The following RAB28 variants were observed in gnomAD, a reference collection of about 807,000 sequenced individuals.
RAB28 encodes the protein RAB28, member RAS oncogene family, also known as ras-related protein Rab-28.
A neutral mutation model predicts 31.7 loss-of-function variants in RAB28; 24 were observed. The observed-to-expected ratio is 0.76, with a 90% CI of 0.55 to 1.06. The LOEUF is 1.06. Among genes scored for constraint, RAB28 ranks in the 50% least tolerant of loss-of-function variants. The pLI, the probability that RAB28 is intolerant of heterozygous loss-of-function variation, is 0.00. For missense variants in RAB28, 254 were observed against 258.5 expected (o/e 0.98, Z 0.12); for synonymous variants, 100 against 90.4 (o/e 1.11, Z -0.60).
At chr4:13,419,021 A>G (rs1360533281) in intron 4 of RAB28, among the ~76,000 whole-genome samples, 1 of 152,222 alleles carries the variant, frequency 6.6e-6, no homozygotes. Flanking sequence ...ACGTGCAGAG[A>G]CACACATAGG....
intron 6 of RAB28, chr4:13,370,849 T>C (rs928675991): frequency 8.4e-6 from 8 of 957,892 alleles, no homozygotes; most frequent in Non-Finnish European, 9.9e-6. Flanking sequence ...TTTTACTAAA[T>C]AAGAAACTAT....
Position 13,387,836 on chromosome 4 carries a change from G to A in RAB28, c.392-6242C>T, listed in dbSNP as rs144816380. Among the ~76,000 whole-genome samples, 585 of 152,128 alleles carry A rather than the reference G, an allele frequency of 3.8e-3. 5 individuals carry two copies. Among genetic ancestry groups the A allele is most frequent in the African/African-American group, 0.013 (548 of 41,562 alleles). ...AAATATAGCACCACCATTTTTGAAT[G>A]CCAGACAAAGTATATGTGCTTCTAA... On this transcript the variant is annotated intron_variant, in intron 4 of 6. Transcript: ENST00000330852.
chr4:13,434,187 AG>A (rs1487835683), intron 4 of RAB28, among the ~76,000 whole-genome samples: 1 of 152,130 alleles, frequency 6.6e-6, no homozygotes, highest in African/African-American at 2.4e-5. Flanking sequence ...AGTGGGGTAA[AG>A]GCTGAAAAAC....
intron 4 of RAB28, among the ~76,000 whole-genome samples, chr4:13,400,238 A>C (rs1257788733): frequency 6.6e-6 from 1 of 152,156 alleles, no homozygotes; most frequent in Non-Finnish European, 1.5e-5. Context: ...GTCTTTATAA[A>C]AGCTGTTGCT....
In RAB28 at chr4:13,409,761, C is replaced by A. The variant is rs148117488; in HGVS notation, c.392-28167G>T. ...AAATGTCTCTTGTGGCCAATGCTAA[C>A]CAGAACAATACAGATGAAGAAATTT... On this transcript the variant is annotated intron_variant, in intron 4 of 6. Transcript: ENST00000330852. 2.4e-3 allele frequency among the ~76,000 whole-genome samples: 369 copies of A among 152,276 alleles called. 2 individuals carry two copies. The highest frequency in any genetic ancestry group is 8.4e-3 in the African/African-American group (351 of 41,546).
chr4:13,479,195 T>A (rs1230053989), intron 2 of RAB28, among the ~76,000 whole-genome samples: 1 of 151,704 alleles, frequency 6.6e-6, no homozygotes, highest in African/African-American at 2.4e-5. Flanking sequence ...TCAAAAAATG[T>A]ATAGTAGCCA....
chr4:13,387,555 C>T (rs1157670880), intron 4 of RAB28, among the ~76,000 whole-genome samples: 3 of 151,904 alleles, frequency 2.0e-5, no homozygotes, highest in Non-Finnish European at 2.9e-5. Flanking sequence ...ATAAGGAAAG[C>T]AATGCTGAAG....
chr4:13,381,036 C>G (rs962637017), intron 5 of RAB28, among the ~76,000 whole-genome samples: 2 of 152,146 alleles, frequency 1.3e-5, no homozygotes, highest in African/African-American at 4.8e-5. Context: ...CACAAATCCT[C>G]TCTCCTCCAC....
chr4:13,398,186 T>C (rs1048293636), intron 4 of RAB28, among the ~76,000 whole-genome samples: 1 of 152,180 alleles, frequency 6.6e-6, no homozygotes, highest in Non-Finnish European at 1.5e-5. Context: ...TCTACAACTT[T>C]TGTTGCTTGT....
intron 3 of RAB28, among the ~76,000 whole-genome samples, chr4:13,472,994 A>C (rs1716190458): frequency 6.6e-6 from 1 of 152,000 alleles, no homozygotes; most frequent in Non-Finnish European, 1.5e-5. Context: ...CAATGTATAA[A>C]AGATAAGAGC....
At chr4:13,464,945 TAGGGATAATAAAACA>T (rs992375455) in intron 3 of RAB28, among the ~76,000 whole-genome samples, 2 of 151,714 alleles carry the variant, frequency 1.3e-5, no homozygotes, top group African/African-American at 2.4e-5. Context: ...CAAGCACAGA[TAGGGATAATAAAACA>T]AGGGATAATA....
At chr4:13,370,437 G>T (rs780209827) in intron 6 of RAB28, 1 of 780,182 alleles carries the variant, frequency 1.3e-6, no homozygotes, top group African/African-American at 1.9e-5. Context: ...AAGTATGGGC[G>T]ACTTACACAG....
chr4:13,460,979 C>A, intron 3 of RAB28, 151 bp from the exon 4 acceptor site: 2 of 712,200 alleles, frequency 2.8e-6, no homozygotes, highest in Non-Finnish European at 4.5e-6. Context: ...AAATTGCTTA[C>A]TAGCAGATTG....
chr4:13,446,903 C>T (rs1714726550), intron 4 of RAB28, among the ~76,000 whole-genome samples: 1 of 152,180 alleles, frequency 6.6e-6, no homozygotes, highest in South Asian at 2.1e-4. Flanking sequence ...GCACCTCACA[C>T]TTAACATATC....
At chr4:13,466,838 T>C (rs1479146668) in intron 3 of RAB28, among the ~76,000 whole-genome samples, 1 of 151,816 alleles carries the variant, frequency 6.6e-6, no homozygotes, top group Non-Finnish European at 1.5e-5. Context: ...CATAACGGAA[T>C]ACCATAAACC....
intron 4 of RAB28, among the ~76,000 whole-genome samples, chr4:13,397,729 A>C (rs1304583525): frequency 6.6e-6 from 1 of 152,114 alleles, no homozygotes; most frequent in Admixed American, 6.5e-5. Context: ...CATGTCATGA[A>C]ACTTGCGGAT....
chr4:13,407,163 A>C lies in RAB28; in HGVS notation c.392-25569T>G, dbSNP rs1052651907. On this transcript the variant is annotated intron_variant, in intron 4 of 6. Coordinates refer to ENST00000330852, the MANE Select transcript of RAB28 (RefSeq NM_001017979.3). ...AGGTCTAACATTTAAGTCTTTAATC[A>C]TTCTTGAATTAATTTTTGTATAAGG... 1.1e-4 allele frequency among the ~76,000 whole-genome samples: 16 copies of C among 152,294 alleles called. No homozygotes were observed. The East Asian group carries it at 3.1e-3, about 29-fold the overall frequency.
intron 4 of RAB28, among the ~76,000 whole-genome samples, chr4:13,429,836 G>C (rs1713712408): frequency 6.6e-6 from 1 of 152,140 alleles, no homozygotes; most frequent in Non-Finnish European, 1.5e-5. Context: ...ATCTGAAAAA[G>C]AAAAGTAGAG....
At chr4:13,391,309 CAT>C (rs1451370110) in intron 4 of RAB28, among the ~76,000 whole-genome samples, 2 of 152,188 alleles carry the variant, frequency 1.3e-5, no homozygotes, top group Non-Finnish European at 1.5e-5. Flanking sequence ...AAAAAACGCT[CAT>C]CATCACTGGT....
Sources: gnomAD v4.1 joint callset for allele counts (sites outside exome capture counted in the v4.1 genomes callset) on GRCh38, gnomAD v4.1.1 for gene constraint, MANE v1.5 for transcripts, NCBI Gene and HGNC (gene_info 2026-07-23, HGNC 2026-07-21) for gene names.